IL7: variants seen among roughly 807,000 people sequenced by gnomAD.
The protein encoded by IL7 is interleukin-7.
IL7 carries 3 observed loss-of-function variants against 21.6 expected under a neutral mutation model. The observed-to-expected ratio is 0.14, with a 90% confidence interval of 0.06 to 0.36. The LOEUF (loss-of-function observed/expected upper bound fraction) is 0.36, where lower values mean the gene tolerates loss of function less well. Ranked by LOEUF, IL7 falls within the 10% of genes least tolerant of loss-of-function variation. The pLI, the probability that IL7 is intolerant of heterozygous loss-of-function variation, is 1.00. For missense variants in IL7, 175 were observed against 200.2 expected (o/e 0.87, Z 0.76); for synonymous variants, 62 against 68.1 (o/e 0.91, Z 0.44).
At chr8:78,681,340 G>C (rs1018409280) in intron 4 of IL7, among the ~76,000 whole-genome samples, 8 of 152,050 alleles carry the variant, frequency 5.3e-5, no homozygotes, top group African/African-American at 1.7e-4. Context: ...GATACTATGA[G>C]AAAAAAGGTA....
chr8:78,791,497 G>T (rs562395018), intron 2 of IL7, among the ~76,000 whole-genome samples: 3 of 152,144 alleles, frequency 2.0e-5, no homozygotes, highest in African/African-American at 4.8e-5. Context: ...AAAATTAGCT[G>T]GGTGTGGTGG....
chr8:78,695,907 G>A (rs1417816485), intron 3 of IL7, among the ~76,000 whole-genome samples: 1 of 152,110 alleles, frequency 6.6e-6, no homozygotes, highest in Non-Finnish European at 1.5e-5. Flanking sequence ...AGAGTTAGAA[G>A]GATATAATGT....
intron 2 of IL7, chr8:78,761,482 A>G (rs1206708034): frequency 4.3e-6 from 7 of 1,611,036 alleles, no homozygotes; most frequent in Non-Finnish European, 5.9e-6. Flanking sequence ...CCCACTTCTC[A>G]GTTATCATAG....
chr8:78,680,706 G>A (rs942968322), intron 4 of IL7, among the ~76,000 whole-genome samples: 2 of 152,162 alleles, frequency 1.3e-5, no homozygotes, highest in Non-Finnish European at 2.9e-5. Flanking sequence ...TTGAAATCCA[G>A]GAGAAATTAC....
At chr8:78,703,592 G>A (rs1810677393) in intron 3 of IL7, among the ~76,000 whole-genome samples, 1 of 148,302 alleles carries the variant, frequency 6.7e-6, no homozygotes, top group African/African-American at 2.5e-5. Context: ...TCAGAAATTA[G>A]GAGTACAACC....
intron 2 of IL7, among the ~76,000 whole-genome samples, chr8:78,791,207 C>T (rs1354179510): frequency 6.6e-6 from 1 of 152,158 alleles, no homozygotes; most frequent in Non-Finnish European, 1.5e-5. Flanking sequence ...CCTGATCCCT[C>T]CCACCTTGGT....
At chr8:78,708,776 A>G (rs11783024) in intron 3 of IL7, among the ~76,000 whole-genome samples, 145,852 of 151,176 alleles carry the variant, frequency 0.96, 70,395 homozygotes, top group East Asian at 0.99. Context: ...CGCCTCCTGG[A>G]TTCAAGTGAT....
intron 2 of IL7, among the ~76,000 whole-genome samples, chr8:78,756,089 A>T (rs974329331): frequency 6.6e-6 from 1 of 152,028 alleles, no homozygotes; most frequent in African/African-American, 2.4e-5. Flanking sequence ...TGAGATAATC[A>T]TATGGTTTTT....
Position 78,687,772 on chromosome 8 carries a change from A to T in IL7, n.215-1825T>A, listed in dbSNP as rs1222468255. ...ATTATATATATTTACGTAAGACATTATATATATATTTACGTAATACATTAT... is the reference window on the plus strand; with the variant it reads ...ATTATATATATTTACGTAAGACATTTTATATATATTTACGTAATACATTAT... On this transcript the variant is annotated intron_variant and non_coding_transcript_variant, in intron 3 of 4. Coordinates refer to the IL7 transcript ENST00000523959. 7.7e-5 allele frequency among the ~76,000 whole-genome samples: 2 copies of T among 25,848 alleles called. 1 individual carries two copies. The highest frequency in any genetic ancestry group is 1.3e-3 in the East Asian group (2 of 1,536). The allele number at this position is 25,848 out of a possible 152,430, so 17.0% of individuals were successfully genotyped here.
At chr8:78,705,654 C>T (rs547972554) in intron 3 of IL7, among the ~76,000 whole-genome samples, 2 of 152,254 alleles carry the variant, frequency 1.3e-5, no homozygotes, top group South Asian at 2.1e-4. Context: ...GGCATGGGCT[C>T]TCCAAACCCC....
chr8:78,775,200 G>T (rs576972261), intron 2 of IL7, among the ~76,000 whole-genome samples: 6 of 152,104 alleles, frequency 3.9e-5, no homozygotes, highest in South Asian at 2.1e-4. Flanking sequence ...ATAAGAAATG[G>T]TGTTCCAGGA....
At chr8:78,737,346 C>G (rs1016389187) in intron 4 of IL7, among the ~76,000 whole-genome samples, 1 of 152,128 alleles carries the variant, frequency 6.6e-6, no homozygotes, top group African/African-American at 2.4e-5. Flanking sequence ...CTGCATTAGA[C>G]AGTACTTTGA....
chr8:78,775,376 T>C (rs981944793), intron 2 of IL7, among the ~76,000 whole-genome samples: 2 of 152,084 alleles, frequency 1.3e-5, no homozygotes, highest in African/African-American at 4.8e-5. Flanking sequence ...AGAAAGGTTA[T>C]TATGGAATTC....
At chr8:78,680,448 A>G (rs942850065) in intron 4 of IL7, among the ~76,000 whole-genome samples, 4 of 152,258 alleles carry the variant, frequency 2.6e-5, no homozygotes, top group South Asian at 4.1e-4. Flanking sequence ...CCTCCCAAAC[A>G]TACTGAATTA....
intron 2 of IL7, among the ~76,000 whole-genome samples, chr8:78,755,897 T>C (rs1304511614): frequency 6.6e-6 from 1 of 152,076 alleles, no homozygotes; most frequent in East Asian, 1.9e-4. Context: ...TGGGCATCCT[T>C]GTCTTATTCA....
At chr8:78,715,307 A>G, downstream of IL7, 1 of 1,613,700 alleles carries the variant, frequency 6.2e-7, no homozygotes, top group Non-Finnish European at 8.5e-7. Context: ...AGAAAAACAT[A>G]TACTGAGAGC....
chr8:78,782,981 G>A (rs1201150873), intron 2 of IL7, among the ~76,000 whole-genome samples: 1 of 152,208 alleles, frequency 6.6e-6, no homozygotes, highest in African/African-American at 2.4e-5. Context: ...CACAGCTGCT[G>A]TGTTGCACTG....
At chr8:78,675,213 T>A (rs1161851182), downstream of IL7, among the ~76,000 whole-genome samples, 6 of 151,782 alleles carry the variant, frequency 4.0e-5, no homozygotes, top group Admixed American at 3.9e-4. Context: ...CTCCATTTAC[T>A]AGTCCACTGA....
chr8:78,754,943 T>C (rs1812299269), intron 2 of IL7, among the ~76,000 whole-genome samples: 1 of 152,124 alleles, frequency 6.6e-6, no homozygotes, highest in African/African-American at 2.4e-5. Flanking sequence ...TATATTCTCT[T>C]CTAGTGGTTT....
Sources: gnomAD v4.1 joint callset for allele counts (sites outside exome capture counted in the v4.1 genomes callset) on GRCh38, gnomAD v4.1.1 for gene constraint, MANE v1.5 for transcripts, NCBI Gene and HGNC (gene_info 2026-07-23, HGNC 2026-07-21) for gene names.